The following GTF2H5 variants were observed in gnomAD, a reference collection of about 807,000 sequenced individuals.
The protein encoded by GTF2H5 is TFB5 ortholog.
A neutral mutation model predicts 7.1 loss-of-function variants in GTF2H5; 5 were observed. The observed-to-expected ratio is 0.71, with a 90% CI of 0.37 to 1.49. The LOEUF (loss-of-function observed/expected upper bound fraction) is 1.49. Ranked by LOEUF, GTF2H5 falls within the 40% of genes most tolerant of loss-of-function variation. The pLI, the probability that GTF2H5 is intolerant of heterozygous loss-of-function variation, is 0.03. For synonymous variants in GTF2H5, 30 were observed against 31.7 expected (o/e 0.95, Z 0.18); for missense variants, 80 against 83.0 (o/e 0.96, Z 0.14).
intron 2 of GTF2H5, among the ~76,000 whole-genome samples, chr6:158,182,711 G>T (rs1354885445): frequency 6.6e-6 from 1 of 151,798 alleles, no homozygotes; most frequent in Non-Finnish European, 1.5e-5. Context: ...CTCGTACTGT[G>T]GTTTTCAGCA....
At chr6:158,177,716 C>G (rs1048357968) in intron 2 of GTF2H5, among the ~76,000 whole-genome samples, 4 of 152,162 alleles carry the variant, frequency 2.6e-5, no homozygotes, top group Non-Finnish European at 4.4e-5. Context: ...TGTTATCCCT[C>G]CCCTAGACCC....
chr6:158,172,451 C>A (rs1265637927), intron 2 of GTF2H5, among the ~76,000 whole-genome samples: 2 of 151,938 alleles, frequency 1.3e-5, no homozygotes, highest in African/African-American at 4.8e-5. Flanking sequence ...CACACCACCA[C>A]ACCCGGCTAA....
intron 2 of GTF2H5, chr6:158,190,952 C>A (rs758984511): frequency 3.9e-6 from 2 of 513,852 alleles, no homozygotes; most frequent in Non-Finnish European, 7.7e-6. Context: ...GAAATTGTAT[C>A]CCTCTTTTCC....
At chr6:158,180,816 G>C (rs1423931371) in intron 2 of GTF2H5, among the ~76,000 whole-genome samples, 1 of 148,866 alleles carries the variant, frequency 6.7e-6, no homozygotes, top group Non-Finnish European at 1.5e-5. Context: ...AAATAAACCA[G>C]CTCCGGGATT....
intron 2 of GTF2H5, among the ~76,000 whole-genome samples, chr6:158,187,873 C>G (rs767268992): frequency 6.6e-6 from 1 of 152,140 alleles, no homozygotes; most frequent in Non-Finnish European, 1.5e-5. Context: ...GCCAAGATCT[C>G]TGTTTTAATG....
rs985553022 is a variant in GTF2H5, at chr6:158,196,089, G to A, written c.*3932G>A. On this transcript the variant is annotated 3_prime_UTR_variant, in exon 3 of 3. Coordinates refer to ENST00000607778, the MANE Select transcript of GTF2H5 (RefSeq NM_207118.3). ...AAGGTCAGGAGATCAAAACAATCCT[G>A]GCTAACAAGGTGAAACCCCGTCTCT... The A allele has an allele frequency of 6.6e-6, 1 of 152,092 alleles. No homozygotes were observed. Among genetic ancestry groups the A allele is most frequent in the African/African-American group, 2.4e-5 (1 of 41,394 alleles). The allele number at this position is 152,092 out of a possible 1,614,324, so 9.4% of individuals were successfully genotyped here. A position where few individuals can be genotyped will look rare whatever the true frequency, so the allele number is the denominator to read the frequency against.
intron 2 of GTF2H5, among the ~76,000 whole-genome samples, chr6:158,180,200 C>G (rs1219061804): frequency 1.3e-5 from 2 of 152,142 alleles, no homozygotes; most frequent in Admixed American, 6.5e-5. Context: ...GTTGAACCAG[C>G]CTTGCATCCC....
rs781584010 is a variant in GTF2H5, at chr6:158,192,029, G to A, written c.88G>A (p.Gly30Arg). Reference protein sequence around the residue: ...LLYLDESNALGKKFIIQDIDD... With the variant: ...LLYLDESNALRKKFIIQDIDD... ...GTACTTGGATGAGTCCAATGCCCTG[G>A]GGAAGAAGTTCATCATTCAAGACAT... is the stretch of plus-strand genomic sequence containing the variant. The change falls in exon 3 of 3, where the codon GGG becomes AGG. Residue 30 changes from glycine (G) to arginine (R), a missense_variant. Transcript: ENST00000607778. The A allele has an allele frequency of 2.5e-6, 4 of 1,613,970 alleles. No homozygotes were observed. Among genetic ancestry groups the A allele is most frequent in the Non-Finnish European group, 3.4e-6 (4 of 1,179,866 alleles).
At chr6:158,177,508 G>C (rs976953377) in intron 2 of GTF2H5, among the ~76,000 whole-genome samples, 9 of 152,198 alleles carry the variant, frequency 5.9e-5, no homozygotes, top group African/African-American at 2.2e-4. Context: ...TGACATCAGG[G>C]ATAAGGTATG....
chr6:158,169,683 A>G (rs1377458676), intron 1 of GTF2H5, among the ~76,000 whole-genome samples: 2 of 89,542 alleles, frequency 2.2e-5, no homozygotes, highest in African/African-American at 5.8e-5. Flanking sequence ...TATATAATAT[A>G]TAATATATAT....
intron 2 of GTF2H5, among the ~76,000 whole-genome samples, chr6:158,175,044 G>GTGTGTGTGTATGTGTGTGTGTGTGTGTA: frequency 2.8e-5 from 4 of 142,794 alleles, no homozygotes; most frequent in African/African-American, 1.1e-4. Context: ...GTGTGTGTGT[G>GTGTGTGTGTATGTGTGTGTGTGTGTGTA]TATACACACA....
intron 2 of GTF2H5, among the ~76,000 whole-genome samples, chr6:158,180,999 G>A (rs1325611854): frequency 6.6e-6 from 1 of 152,060 alleles, no homozygotes; most frequent in Non-Finnish European, 1.5e-5. Flanking sequence ...GCTTTCTCTT[G>A]TGGGCATTTA....
intron 2 of GTF2H5, among the ~76,000 whole-genome samples, chr6:158,178,155 C>T (rs1254130293): frequency 2.6e-5 from 4 of 152,104 alleles, no homozygotes; most frequent in African/African-American, 9.7e-5. Flanking sequence ...CGCTGTCTTC[C>T]ACAATGGTTG....
At chr6:158,191,500 T>TG (rs1554268834) in intron 2 of GTF2H5, among the ~76,000 whole-genome samples, 3 of 151,874 alleles carry the variant, frequency 2.0e-5, no homozygotes, top group Non-Finnish European at 2.9e-5. Flanking sequence ...TTTTTTTTTT[T>TG]GAGACAGAGT....
At chr6:158,176,517 G>A (rs928872747) in intron 2 of GTF2H5, among the ~76,000 whole-genome samples, 13 of 152,216 alleles carry the variant, frequency 8.5e-5, no homozygotes, top group South Asian at 8.3e-4. Flanking sequence ...GAGCCATTGC[G>A]CCCAGCCTAT....
At chr6:158,179,953 A>T (rs932962860) in intron 2 of GTF2H5, among the ~76,000 whole-genome samples, 2 of 152,162 alleles carry the variant, frequency 1.3e-5, no homozygotes, top group Non-Finnish European at 2.9e-5. Flanking sequence ...TTGCCCATAC[A>T]GTATGATATT....
At chr6:158,169,115 T>TC (rs1472430582) in intron 1 of GTF2H5, among the ~76,000 whole-genome samples, 2 of 150,228 alleles carry the variant, frequency 1.3e-5, no homozygotes, top group East Asian at 3.9e-4. Flanking sequence ...GCGCCTGTAG[T>TC]CCCCGCTGCT....
rs1307139000 is a variant in GTF2H5 at position 158,169,509 on chromosome 6, G to A, written c.-34-961G>A. Among the ~76,000 whole-genome samples, 8 of 55,816 alleles carry A rather than the reference G, an allele frequency of 1.4e-4. 1 individual carries two copies. Among genetic ancestry groups the A allele is most frequent in the East Asian group, 1.4e-3 (2 of 1,416 alleles). 36.6% of individuals were successfully genotyped at this position (55,816 alleles called of 152,430 possible). A position where few individuals can be genotyped will look rare whatever the true frequency, so the allele number is the denominator to read the frequency against. On this transcript the variant is annotated intron_variant, in intron 1 of 2. Coordinates refer to ENST00000607778, the MANE Select transcript of GTF2H5 (RefSeq NM_207118.3). ...TATATTGTATATTATATAATATATTGTATATTATATATAATATACAGTATA... is the reference window on the plus strand; with the variant it reads ...TATATTGTATATTATATAATATATTATATATTATATATAATATACAGTATA...
chr6:158,177,944 C>A (rs1237492248), intron 2 of GTF2H5, among the ~76,000 whole-genome samples: 3 of 152,102 alleles, frequency 2.0e-5, no homozygotes, highest in Non-Finnish European at 2.9e-5. Flanking sequence ...TGTATATGTG[C>A]CACATTTTCT....
Sources: gnomAD v4.1 joint callset for allele counts (sites outside exome capture counted in the v4.1 genomes callset) on GRCh38, gnomAD v4.1.1 for gene constraint, MANE v1.5 for transcripts, NCBI Gene and HGNC (gene_info 2026-07-23, HGNC 2026-07-21) for gene names.